The following RPS6KC1 variants were observed in gnomAD, a reference collection of about 807,000 sequenced individuals.
RPS6KC1 encodes the protein inactive ribosomal protein S6 kinase delta-1.
In RPS6KC1, 54 loss-of-function variants were observed where a neutral mutation model predicts 103.8. That is an observed-to-expected ratio of 0.52 (90% CI 0.42 to 0.65). The LOEUF (loss-of-function observed/expected upper bound fraction) is 0.65. RPS6KC1 is among the 30% of genes least tolerant of loss of function. RPS6KC1 has a pLI of 0.00. For missense variants in RPS6KC1, 1,151 were observed against 1,253.8 expected, an observed-to-expected ratio of 0.92 and a Z score of 1.24; for synonymous variants, 439 against 438.7, an observed-to-expected ratio of 1.00 and a Z score of -0.01.
the RPS6KC1 span, among the ~76,000 whole-genome samples, chr1:213,391,683 A>G: frequency 6.6e-6 from 1 of 152,238 alleles, no homozygotes; most frequent in Admixed American, 6.5e-5. Flanking sequence ...TCTGTGAAAT[A>G]GGTAGAATCA....
At chr1:213,490,618 A>G in the RPS6KC1 span, among the ~76,000 whole-genome samples, 1 of 152,098 alleles carries the variant, frequency 6.6e-6, no homozygotes, top group East Asian at 1.9e-4. Flanking sequence ...GGAAGGGGAG[A>G]TGTGTTGGCT....
chr1:213,282,791 A>G, the RPS6KC1 span, among the ~76,000 whole-genome samples: 2 of 152,260 alleles, frequency 1.3e-5, no homozygotes, highest in African/African-American at 4.8e-5. Context: ...TGTCCAAGGC[A>G]TGGAGGGGTA....
chr1:213,390,652 C>T, the RPS6KC1 span, among the ~76,000 whole-genome samples: 1 of 152,150 alleles, frequency 6.6e-6, no homozygotes, highest in Non-Finnish European at 1.5e-5. Flanking sequence ...TGAGGCCTGT[C>T]TTCAATATTT....
At chr1:213,061,133 A>G (rs2077800502) in intron 1 of RPS6KC1, among the ~76,000 whole-genome samples, 1 of 152,138 alleles carries the variant, frequency 6.6e-6, no homozygotes, top group South Asian at 2.1e-4. Context: ...TCATGACCTG[A>G]TTACCTCTGG....
In RPS6KC1 at chr1:213,242,040, A is replaced by G. The variant is rs1282179939; in HGVS notation, c.2564A>G (p.Lys855Arg). The G allele has an allele frequency of 1.2e-6, 2 of 1,614,068 alleles. No homozygotes were observed. The highest frequency in any genetic ancestry group is 1.7e-6 in the Non-Finnish European group (2 of 1,179,964). The stretch of plus-strand genomic sequence containing the variant: ...ACAGATCAGACTGATGATTTGGCTA[A>G]AGAGGAACCAACTTCTTTATTCCAG... ...LFTDQTDDLA[K>R]EEPTSLFQRD... Residue 855 changes from lysine to arginine, a missense_variant, in exon 11 of 15, where the codon AAA (lysine) becomes AGA (arginine). Lys to Arg is a conservative substitution (Grantham distance 26, BLOSUM62 2). Coordinates refer to ENST00000366960, the MANE Select transcript of RPS6KC1 (RefSeq NM_012424.6).
intron 3 of RPS6KC1, among the ~76,000 whole-genome samples, chr1:213,081,652 G>GT (rs76134090): frequency 0.033 from 4,652 of 139,120 alleles, 161 homozygotes; most frequent in African/African-American, 0.089. Flanking sequence ...CTCTCTTAAG[G>GT]TTTTTTTTTT....
chr1:213,489,500 T>C, the RPS6KC1 span, among the ~76,000 whole-genome samples: 1 of 152,250 alleles, frequency 6.6e-6, no homozygotes, highest in African/African-American at 2.4e-5. Flanking sequence ...TAAGCATTTA[T>C]TGAGCATCTA....
the RPS6KC1 span, among the ~76,000 whole-genome samples, chr1:213,490,398 C>A: frequency 6.6e-6 from 1 of 152,170 alleles, no homozygotes; most frequent in South Asian, 2.1e-4. Flanking sequence ...TTGTTTCATG[C>A]ACATTTGACT....
chr1:213,346,146 T>G, the RPS6KC1 span, among the ~76,000 whole-genome samples: 1 of 152,208 alleles, frequency 6.6e-6, no homozygotes, highest in African/African-American at 2.4e-5. Context: ...TTTCCTCAAT[T>G]TTTGCCTTGC....
chr1:213,398,952 A>G, the RPS6KC1 span, among the ~76,000 whole-genome samples: 2 of 152,146 alleles, frequency 1.3e-5, no homozygotes, highest in African/African-American at 4.8e-5. Flanking sequence ...TCAACAAACA[A>G]CCTTGGGCCC....
At chr1:213,405,839 A>G in the RPS6KC1 span, among the ~76,000 whole-genome samples, 2 of 152,142 alleles carry the variant, frequency 1.3e-5, no homozygotes, top group Non-Finnish European at 2.9e-5. Context: ...GTGGCATGCC[A>G]TAAGTAGGTG....
chr1:213,620,195 C>A, the RPS6KC1 span, among the ~76,000 whole-genome samples: 1 of 152,238 alleles, frequency 6.6e-6, no homozygotes, highest in Non-Finnish European at 1.5e-5. Flanking sequence ...ACAACCACCA[C>A]TTTATTATAT....
chr1:213,610,477 C>T, the RPS6KC1 span, among the ~76,000 whole-genome samples: 1 of 152,104 alleles, frequency 6.6e-6, no homozygotes, highest in Non-Finnish European at 1.5e-5. Flanking sequence ...GGAGATTTGG[C>T]GGAAACCTCG....
At chr1:213,452,390 T>A in the RPS6KC1 span, among the ~76,000 whole-genome samples, 1,753 of 151,982 alleles carry the variant, frequency 0.012, 22 homozygotes, top group African/African-American at 0.036. Flanking sequence ...CTTCTTATCT[T>A]CCTAATTAAA....
At chr1:213,712,909 T>A in the RPS6KC1 span, among the ~76,000 whole-genome samples, 1 of 152,140 alleles carries the variant, frequency 6.6e-6, no homozygotes, top group South Asian at 2.1e-4. Flanking sequence ...ATCACCTGCC[T>A]TCTGCATTGG....
At chr1:213,061,801 AT>A (rs1227584576) in intron 1 of RPS6KC1, among the ~76,000 whole-genome samples, 1 of 152,120 alleles carries the variant, frequency 6.6e-6, no homozygotes, top group Non-Finnish European at 1.5e-5. Flanking sequence ...TCAGAGATTC[AT>A]ATCTTTGAAA....
the RPS6KC1 span, among the ~76,000 whole-genome samples, chr1:213,330,630 T>C: frequency 1.3e-5 from 2 of 152,178 alleles, no homozygotes; most frequent in African/African-American, 4.8e-5. Flanking sequence ...GTTAGTATGA[T>C]CACTGGAACA....
intron 5 of RPS6KC1, among the ~76,000 whole-genome samples, chr1:213,118,289 G>GT (rs1444945911): frequency 6.6e-5 from 10 of 151,064 alleles, no homozygotes; most frequent in African/African-American, 9.7e-5. Context: ...TCTGTAACTA[G>GT]TTTTTTTTCA....
chr1:213,763,785 C>T, the RPS6KC1 span, among the ~76,000 whole-genome samples: 20 of 152,168 alleles, frequency 1.3e-4, no homozygotes, highest in African/African-American at 4.8e-4. Flanking sequence ...TGCTGATTTG[C>T]ACTTCTTAAT....
Sources: allele counts gnomAD v4.1 joint callset (sites outside exome capture counted in the v4.1 genomes callset), GRCh38; gene constraint gnomAD v4.1.1; transcripts MANE v1.5; gene names NCBI Gene and HGNC (gene_info 2026-07-23, HGNC 2026-07-21).